The following C8orf34 variants were observed in gnomAD, a reference collection of about 807,000 sequenced individuals.
The protein encoded by C8orf34 is chromosome 8 open reading frame 34.
In C8orf34, 65 loss-of-function variants were observed where a neutral mutation model predicts 68.3. The observed-to-expected ratio is 0.95, with a 90% CI of 0.78 to 1.17. The LOEUF is 1.17. C8orf34 is among the 50% of genes most tolerant of loss of function. The pLI is 0.00. For synonymous variants in C8orf34, 244 were observed against 241.2 expected (o/e 1.01, Z -0.11); for missense variants, 664 against 655.4 (o/e 1.01, Z -0.14).
rs1456734674 is a variant in C8orf34 at position 68,617,479 on chromosome 8, T to G, written c.1106-22897T>G. Among the ~76,000 whole-genome samples the G allele has an allele frequency of 3.9e-5, 6 of 152,282 alleles. No individual in the cohort carries two copies. In the South Asian group the frequency reaches 6.2e-4, roughly 16 times the overall value. On this transcript the variant is annotated intron_variant, in intron 7 of 13. Coordinates refer to ENST00000518698, the MANE Select transcript of C8orf34 (RefSeq NM_052958.4). ...TCAGGAGCTCTTGTAGGGCAGGCCTTGTGGTGACAAAATCTCTCAGCATTT... is the reference window on the plus strand; with the variant it reads ...TCAGGAGCTCTTGTAGGGCAGGCCTGGTGGTGACAAAATCTCTCAGCATTT...
intron 10 of C8orf34, among the ~76,000 whole-genome samples, chr8:68,745,654 G>C (rs1261831085): frequency 1.3e-5 from 2 of 152,078 alleles, no homozygotes; most frequent in African/African-American, 4.8e-5. Flanking sequence ...TTACATAATG[G>C]TAAAGGGATC....
chr8:68,620,569 A>T (rs1818357762), intron 7 of C8orf34, among the ~76,000 whole-genome samples: 1 of 152,068 alleles, frequency 6.6e-6, no homozygotes, highest in Non-Finnish European at 1.5e-5. Flanking sequence ...TTACAGCCAG[A>T]TGCCACCTAG....
chr8:68,345,819 A>T (rs1806259510), intron 1 of C8orf34, among the ~76,000 whole-genome samples: 1 of 152,028 alleles, frequency 6.6e-6, no homozygotes, highest in South Asian at 2.1e-4. Flanking sequence ...CATTTTCATC[A>T]AGTAAATTTA....
intron 6 of C8orf34, among the ~76,000 whole-genome samples, chr8:68,522,892 T>G (rs1814819029): frequency 6.6e-6 from 1 of 152,322 alleles, no homozygotes; most frequent in East Asian, 1.9e-4. Context: ...ATAGCCACAG[T>G]AACTTGGCAT....
chr8:68,764,692 T>A (rs1314378734), intron 10 of C8orf34, among the ~76,000 whole-genome samples: 1 of 152,162 alleles, frequency 6.6e-6, no homozygotes, highest in African/African-American at 2.4e-5. Context: ...GAAGAGACAC[T>A]GCCTTTGGGG....
At chr8:68,654,039 C>T (rs1052223348) in intron 8 of C8orf34, among the ~76,000 whole-genome samples, 1 of 152,036 alleles carries the variant, frequency 6.6e-6, no homozygotes, top group East Asian at 1.9e-4. Context: ...TAAAACAATT[C>T]TGCTTTATAT....
At chr8:68,734,026 T>TA (rs1822057283) in intron 10 of C8orf34, among the ~76,000 whole-genome samples, 1 of 152,218 alleles carries the variant, frequency 6.6e-6, no homozygotes. Context: ...TAATTTTTTT[T>TA]ATGTTTATCA....
intron 7 of C8orf34, chr8:68,534,975 G>A: frequency 2.0e-6 from 2 of 985,392 alleles, no homozygotes; most frequent in Non-Finnish European, 2.4e-6. Context: ...AGAGATAGTT[G>A]AAGGTTTGGA....
intron 10 of C8orf34, among the ~76,000 whole-genome samples, chr8:68,749,712 G>T (rs1030032655): frequency 6.6e-6 from 1 of 152,076 alleles, no homozygotes; most frequent in Non-Finnish European, 1.5e-5. Flanking sequence ...GTTATTTTAG[G>T]TCTGGCCTCT....
At chr8:68,783,067 C>CAAA (rs750669752) in intron 11 of C8orf34, among the ~76,000 whole-genome samples, 131 of 128,894 alleles carry the variant, frequency 1.0e-3, no homozygotes, top group African/African-American at 1.6e-3. Context: ...GAACATGTCT[C>CAAA]AAAAAAAAAA....
intron 5 of C8orf34, among the ~76,000 whole-genome samples, chr8:68,503,871 T>G (rs916664960): frequency 5.9e-5 from 9 of 152,120 alleles, no homozygotes; most frequent in African/African-American, 2.2e-4. Context: ...ATTTAGTTAA[T>G]TAGTCTACTG....
intron 5 of C8orf34, among the ~76,000 whole-genome samples, chr8:68,499,217 T>C (rs1208399278): frequency 1.3e-5 from 2 of 152,166 alleles, no homozygotes; most frequent in African/African-American, 4.8e-5. Context: ...CTTAGGATAA[T>C]GGCCTCCAGC....
intron 10 of C8orf34, among the ~76,000 whole-genome samples, chr8:68,773,956 G>A (rs1007339614): frequency 1.8e-4 from 28 of 152,170 alleles, no homozygotes; most frequent in Admixed American, 9.2e-4. Flanking sequence ...CCAGACAAAC[G>A]GGAAAAACCA....
At chr8:68,514,569 G>A (rs1052042820) in intron 5 of C8orf34, among the ~76,000 whole-genome samples, 2 of 152,166 alleles carry the variant, frequency 1.3e-5, no homozygotes, top group African/African-American at 2.4e-5. Flanking sequence ...TTCAAATGAT[G>A]TCTTGTTCCA....
chr8:68,784,650 G>T (rs1823790571), intron 11 of C8orf34, among the ~76,000 whole-genome samples: 1 of 151,942 alleles, frequency 6.6e-6, no homozygotes, highest in Non-Finnish European at 1.5e-5. Flanking sequence ...TATCTATATG[G>T]ACTTACAGAT....
chr8:68,668,606 G>A (rs971221882), intron 8 of C8orf34, among the ~76,000 whole-genome samples: 1 of 152,182 alleles, frequency 6.6e-6, no homozygotes, highest in Non-Finnish European at 1.5e-5. Flanking sequence ...TGACCTGGTA[G>A]GCAGAATTTC....
At chr8:68,770,153 A>C (rs4278138) in intron 10 of C8orf34, among the ~76,000 whole-genome samples, 16,726 of 152,230 alleles carry the variant, frequency 0.11, 1,065 homozygotes, top group Middle Eastern at 0.19. Context: ...CCAGTTGCCA[A>C]AATCTTTCAA....
chr8:68,746,243 G>C (rs1023018815), intron 10 of C8orf34, among the ~76,000 whole-genome samples: 1 of 151,224 alleles, frequency 6.6e-6, no homozygotes, highest in African/African-American at 2.4e-5. Context: ...GCAGTGTGTA[G>C]AGGGAAATTT....
chr8:68,546,085 A>G (rs1025308796), intron 7 of C8orf34, among the ~76,000 whole-genome samples: 6 of 152,112 alleles, frequency 3.9e-5, no homozygotes, highest in African/African-American at 1.2e-4. Flanking sequence ...AAAAAAGTAC[A>G]AAGAGTTTTC....
Sources: gnomAD v4.1 joint callset for allele counts (sites outside exome capture counted in the v4.1 genomes callset) on GRCh38, gnomAD v4.1.1 for gene constraint, MANE v1.5 for transcripts, NCBI Gene and HGNC (gene_info 2026-07-23, HGNC 2026-07-21) for gene names.